Variants in ESRRG observed in about 807,000 individuals in gnomAD.
The protein encoded by ESRRG is estrogen related receptor gamma, also known as estrogen-related receptor gamma.
Under a neutral mutation model 44.0 loss-of-function variants are expected in ESRRG, and 13 were observed. The observed-to-expected ratio is 0.30, with a 90% CI of 0.19 to 0.47. The LOEUF is 0.47. ESRRG is among the 20% of genes least tolerant of loss of function. The pLI is 1.00. For missense variants in ESRRG, 395 were observed against 580.6 expected (o/e 0.68, Z 3.29); for synonymous variants, 215 against 214.6 (o/e 1.00, Z -0.02).
chr1:216,558,502 T>A (rs955634004), intron 5 of ESRRG, among the ~76,000 whole-genome samples: 2 of 152,190 alleles, frequency 1.3e-5, no homozygotes, highest in African/African-American at 4.8e-5. Context: ...CTTTTATGAA[T>A]ATGAACTTTT....
intron 1 of ESRRG, among the ~76,000 whole-genome samples, chr1:216,962,520 T>C (rs190235611): frequency 9.2e-5 from 14 of 152,304 alleles, no homozygotes; most frequent in African/African-American, 3.4e-4. Flanking sequence ...GCATCTGTTG[T>C]CTCATCCATT....
At chr1:217,093,072 GTCTT>G (rs551801461), upstream of ESRRG, among the ~76,000 whole-genome samples, 37 of 152,224 alleles carry the variant, frequency 2.4e-4, no homozygotes, top group South Asian at 7.3e-3. Context: ...GCTCTTATGA[GTCTT>G]TCTCTGCTAT....
In ESRRG at chr1:216,821,029, C is replaced by G. The variant is rs144282721; in HGVS notation, c.-14+118553G>C. On this transcript the variant is annotated intron_variant, in intron 2 of 7. Coordinates refer to the ESRRG transcript ENST00000359162. ...AAACTACATTACGAAGTTTTCAGAGCCTGACCTAGTTTTATAGATTCAGCT... is the reference window on the plus strand; with the variant it reads ...AAACTACATTACGAAGTTTTCAGAGGCTGACCTAGTTTTATAGATTCAGCT... 4.1e-4 allele frequency among the ~76,000 whole-genome samples: 62 copies of G among 152,150 alleles called. No homozygotes were observed. The East Asian group carries it at 0.012, about 29-fold the overall frequency.
chr1:216,925,923 C>T (rs1252002253), intron 2 of ESRRG, among the ~76,000 whole-genome samples: 1 of 152,042 alleles, frequency 6.6e-6, no homozygotes, highest in Non-Finnish European at 1.5e-5. Flanking sequence ...GCACTCCAGC[C>T]TGGGCAACAG....
intron 2 of ESRRG, among the ~76,000 whole-genome samples, chr1:216,929,797 C>T (rs1459884851): frequency 2.0e-5 from 3 of 150,694 alleles, no homozygotes; most frequent in East Asian, 1.9e-4. Flanking sequence ...TGGACCAGAC[C>T]CCCCAGGTCT....
At chr1:216,849,976 T>C (rs894216769) in intron 2 of ESRRG, among the ~76,000 whole-genome samples, 8 of 152,138 alleles carry the variant, frequency 5.3e-5, no homozygotes, top group African/African-American at 1.7e-4. Context: ...TATTTCTAAT[T>C]GCACTTTAAA....
At chr1:217,004,343 T>C (rs887411606) in intron 1 of ESRRG, among the ~76,000 whole-genome samples, 5 of 150,788 alleles carry the variant, frequency 3.3e-5, no homozygotes, top group African/African-American at 1.2e-4. Flanking sequence ...ATGGGGATGG[T>C]TTCCCCAAAA....
chr1:216,902,706 C>G (rs2059226967), intron 2 of ESRRG, among the ~76,000 whole-genome samples: 1 of 152,150 alleles, frequency 6.6e-6, no homozygotes, highest in African/African-American at 2.4e-5. Flanking sequence ...AGCATAAGAG[C>G]TTTTGAAATG....
Position 216,717,882 on chromosome 1 carries a change from T to A in ESRRG, c.56+5362A>T, listed in dbSNP as rs115228207. 5.7e-3 allele frequency among the ~76,000 whole-genome samples: 863 copies of A among 152,012 alleles called. 8 individuals are homozygous for A. Among genetic ancestry groups the A allele is most frequent in the African/African-American group, 0.02 (817 of 41,538 alleles). On this transcript the variant is annotated intron_variant, in intron 1 of 6. Coordinates refer to ENST00000408911, the MANE Select transcript of ESRRG (RefSeq NM_001438.4). ...AAAGCTATCATGCTTTACATTAAGA[T>A]GTATTTGTCAGGCCCAATTGTGTAA...
chr1:217,051,153 C>CGT (rs796919296), intron 1 of ESRRG, among the ~76,000 whole-genome samples: 2 of 128,776 alleles, frequency 1.6e-5, no homozygotes, highest in African/African-American at 5.9e-5. Flanking sequence ...TCAGCAGTTA[C>CGT]GTGTCCTCAG....
chr1:216,774,867 G>C (rs2093539485), intron 2 of ESRRG, among the ~76,000 whole-genome samples: 1 of 145,192 alleles, frequency 6.9e-6, no homozygotes, highest in Admixed American at 7.1e-5. Context: ...AGTGGCACGA[G>C]CACAGCTCAC....
intron 2 of ESRRG, among the ~76,000 whole-genome samples, chr1:216,827,999 C>T (rs972435388): frequency 6.6e-6 from 1 of 152,174 alleles, no homozygotes; most frequent in Non-Finnish European, 1.5e-5. Flanking sequence ...TGCATCTCTA[C>T]CTCTCAGTAG....
Position 216,833,066 on chromosome 1 carries a change from G to C in ESRRG, c.-14+106516C>G, listed in dbSNP as rs1003091882. Among the ~76,000 whole-genome samples, 4 of 151,882 alleles carry C rather than the reference G, an allele frequency of 2.6e-5. No individual in the cohort carries two copies. The South Asian group carries it at 8.3e-4, about 32-fold the overall frequency. On this transcript the variant is annotated intron_variant, in intron 2 of 7. Coordinates refer to the ESRRG transcript ENST00000359162. ...GACACCCAAAATTCTCCAAGATTTA[G>C]GAGAATTACAGCAGTACTGAACAAT... is the stretch of plus-strand genomic sequence containing the variant.
At chr1:216,566,821 GT>G (rs1383867827) in intron 4 of ESRRG, among the ~76,000 whole-genome samples, 2 of 152,210 alleles carry the variant, frequency 1.3e-5, no homozygotes, top group African/African-American at 2.4e-5. Context: ...TCAACATAAT[GT>G]TTTTTGGAAA....
intron 1 of ESRRG, among the ~76,000 whole-genome samples, chr1:217,107,684 A>T (rs1191408033): frequency 2.0e-5 from 3 of 152,210 alleles, no homozygotes; most frequent in Admixed American, 2.0e-4. Context: ...GCTGAAATGT[A>T]TGAAAAACTC....
chr1:217,086,300 AAATTGTATT>A (rs1261143721), intron 1 of ESRRG, among the ~76,000 whole-genome samples: 1 of 152,250 alleles, frequency 6.6e-6, no homozygotes, highest in African/African-American at 2.4e-5. Context: ...AGAATAACTC[AAATTGTATT>A]AGGTACATTT....
chr1:216,670,371 G>A (rs760313778), intron 2 of ESRRG, among the ~76,000 whole-genome samples: 1 of 152,218 alleles, frequency 6.6e-6, no homozygotes, highest in Non-Finnish European at 1.5e-5. Context: ...CATATGGCTT[G>A]CAGGAAAATG....
chr1:216,516,670 G>C (rs577190284), intron 6 of ESRRG, among the ~76,000 whole-genome samples: 2,173 of 61,986 alleles, frequency 0.035, 30 homozygotes, highest in East Asian at 0.13. Context: ...CACACACACA[G>C]AGAGAGAGAG....
intron 2 of ESRRG, among the ~76,000 whole-genome samples, chr1:216,912,183 AAGGAGAGGAGAGGAGAGGAGAGGAGAGG>A (rs2060497854): frequency 1.9e-4 from 4 of 21,156 alleles, no homozygotes; most frequent in African/African-American, 9.0e-4. Context: ...AAGAAAAGAA[AAGGAGAGGAGAGGAGAGGAGAGGAGAGG>A]AGAGGAGAGG....
Sources: allele counts gnomAD v4.1 joint callset (sites outside exome capture counted in the v4.1 genomes callset), GRCh38; gene constraint gnomAD v4.1.1; transcripts MANE v1.5; gene names NCBI Gene and HGNC (gene_info 2026-07-23, HGNC 2026-07-21).